Variants in DNAH14 observed in about 807,000 individuals in gnomAD.
The protein encoded by DNAH14 is axonemal beta dynein heavy chain 14.
Under a neutral mutation model 520.9 loss-of-function variants are expected in DNAH14, and 478 were observed. The observed-to-expected ratio is 0.92, with a 90% confidence interval of 0.85 to 0.99. The LOEUF (loss-of-function observed/expected upper bound fraction) is 0.99, where lower values mean the gene tolerates loss of function less well. DNAH14 is among the 50% of genes least tolerant of loss of function. The pLI is 0.00. For synonymous variants in DNAH14, 1,581 were observed against 1,757.2 expected (o/e 0.90, Z 2.51); for missense variants, 4,831 against 5,234.5 (o/e 0.92, Z 2.38).
chr1:225,168,422 G>A (rs189311427), intron 36 of DNAH14, among the ~76,000 whole-genome samples: 8 of 152,166 alleles, frequency 5.3e-5, no homozygotes, highest in Non-Finnish European at 1.2e-4. Flanking sequence ...GGTGACAGAC[G>A]GCACCTGGAA....
chr1:225,381,629 T>A (rs1272955090), intron 81 of DNAH14, 50 bp downstream of exon 81: 34 of 1,380,332 alleles, frequency 2.5e-5, no homozygotes, highest in Non-Finnish European at 2.9e-5. Context: ...GAAATAAATG[T>A]CCAAGTTCAA....
intron 44 of DNAH14, 53 bp from the exon 45 acceptor site, chr1:225,257,907 G>C: frequency 1.5e-6 from 2 of 1,292,508 alleles, no homozygotes; most frequent in Non-Finnish European, 2.1e-6. Flanking sequence ...AAAAAGATGA[G>C]GTGAATAGTA....
chr1:225,283,005 T>A (rs2093659512), intron 54 of DNAH14, among the ~76,000 whole-genome samples: 1 of 152,086 alleles, frequency 6.6e-6, no homozygotes, highest in African/African-American at 2.4e-5. Context: ...CCTTATGATA[T>A]CATTCAATAA....
intron 8 of DNAH14, among the ~76,000 whole-genome samples, chr1:224,978,123 AATAGAGCTACC>A (rs2062000500): frequency 6.6e-6 from 1 of 152,188 alleles, no homozygotes; most frequent in Non-Finnish European, 1.5e-5. Flanking sequence ...AAAAACTAAA[AATAGAGCTACC>A]ATACAAGCCA....
At chr1:225,314,877 CT>C (rs573977013) in intron 60 of DNAH14, among the ~76,000 whole-genome samples, 33 of 152,244 alleles carry the variant, frequency 2.2e-4, no homozygotes, top group African/African-American at 6.7e-4. Context: ...ACATTTTTTC[CT>C]TCATTTCAAC....
chr1:224,964,349 A>G (rs1472925856), intron 4 of DNAH14, 130 bp from the exon 5 acceptor site: 1 of 1,058,074 alleles, frequency 9.5e-7, no homozygotes, highest in East Asian at 3.2e-5. Flanking sequence ...TTCTCCTCTA[A>G]TAATCGTTAT....
Position 225,333,451 on chromosome 1 carries a change from G to GCATTT in DNAH14, c.10027_10031dup (p.Leu3345PhefsTer9). Reference sequence around the variant, plus strand: ...TGGGAGACATTCTGCATTGAAAATGGCATTTCTTTGTCTTCCAAATTCTCT... The same window carrying GCATTT: ...TGGGAGACATTCTGCATTGAAAATGGCATTTCATTTCTTTGTCTTCCAAATTCTCT... On this transcript the variant is annotated frameshift_variant, in exon 66 of 86. Coordinates refer to ENST00000682510, the MANE Select transcript of DNAH14 (RefSeq NM_001367479.1). LOFTEE classifies it high-confidence loss of function. 6.4e-7 allele frequency: 1 copy of GCATTT among 1,551,220 alleles called. No individual in the cohort carries two copies.
chr1:225,373,844 G>C (rs934321319), intron 77 of DNAH14, among the ~76,000 whole-genome samples: 9 of 151,912 alleles, frequency 5.9e-5, no homozygotes, highest in South Asian at 4.2e-4. Flanking sequence ...GTATGTCCCA[G>C]GGCAGGCACG....
chr1:224,964,387 C>T, intron 4 of DNAH14, 92 bp from the exon 5 acceptor site: 2 of 1,303,972 alleles, frequency 1.5e-6, no homozygotes, highest in Non-Finnish European at 2.0e-6. Context: ...TTAAATTTTT[C>T]TCTATATAGA....
chr1:225,335,936 T>G (rs2095023691), intron 66 of DNAH14, among the ~76,000 whole-genome samples: 1 of 121,720 alleles, frequency 8.2e-6, no homozygotes, highest in Admixed American at 8.6e-5. Flanking sequence ...TATACCTATA[T>G]ATACATATAT....
At chr1:225,041,839 T>A (rs1227526294) in intron 12 of DNAH14, among the ~76,000 whole-genome samples, 1 of 152,214 alleles carries the variant, frequency 6.6e-6, no homozygotes, top group Non-Finnish European at 1.5e-5. Context: ...AGCAGCACAT[T>A]ATATATTTAT....
intron 10 of DNAH14, among the ~76,000 whole-genome samples, chr1:225,022,343 A>G (rs952233814): frequency 5.3e-5 from 8 of 152,170 alleles, no homozygotes; most frequent in African/African-American, 1.7e-4. Context: ...AATATTCACA[A>G]TCTGTGCATC....
chr1:225,239,843 T>G (rs1353894046), intron 42 of DNAH14, among the ~76,000 whole-genome samples: 1 of 152,248 alleles, frequency 6.6e-6, no homozygotes, highest in Non-Finnish European at 1.5e-5. Flanking sequence ...AATTCCAGTT[T>G]AGTGACATAT....
chr1:225,027,665 G>A (rs982485090), intron 11 of DNAH14, among the ~76,000 whole-genome samples: 1 of 151,924 alleles, frequency 6.6e-6, no homozygotes, highest in African/African-American at 2.4e-5. Flanking sequence ...AAACAACCAG[G>A]TCTCATGAGA....
intron 17 of DNAH14, among the ~76,000 whole-genome samples, chr1:225,057,649 G>A (rs1311887501): frequency 6.6e-6 from 1 of 152,162 alleles, no homozygotes. Flanking sequence ...CATTCAGTAT[G>A]ATATTGGCTG....
At chr1:225,291,851 T>C (rs2093899491) in intron 55 of DNAH14, among the ~76,000 whole-genome samples, 1 of 152,228 alleles carries the variant, frequency 6.6e-6, no homozygotes, top group Non-Finnish European at 1.5e-5. Context: ...ATTCATTTTT[T>C]TGGCCATTTG....
intron 58 of DNAH14, 147 bp from the exon 59 acceptor site, chr1:225,307,314 T>G: frequency 1.7e-6 from 1 of 598,806 alleles, no homozygotes; most frequent in South Asian, 2.5e-5. Context: ...TTATATTGAT[T>G]GACTTTCAAA....
At position 225,340,665 on chromosome 1, in the gene DNAH14, G is replaced by A. The variant is rs1312689607; in HGVS notation, c.10642G>A (p.Glu3548Lys). 1.5e-4 allele frequency: 230 copies of A among 1,551,122 alleles called. No individual in the cohort carries two copies. Among genetic ancestry groups the A allele is most frequent in the Non-Finnish European group, 1.9e-4 (222 of 1,146,798 alleles). Residue 3548 changes from glutamate (E) to lysine (K), a missense_variant, in exon 69 of 86, where the codon GAG (glutamate) becomes AAG (lysine). Glu to Lys is a moderately conservative substitution (Grantham distance 56). Transcript: ENST00000682510. ...SLDAITLEEL[E>K]EKTLNLLQKA... is the part of the protein sequence containing the mutation. ...TGATGCCATAACTCTTGAAGAACTA[G>A]AGGAAAAAACATTAAATTTACTGCA...
intron 34 of DNAH14, among the ~76,000 whole-genome samples, chr1:225,158,230 CAT>C (rs937554769): frequency 6.6e-6 from 1 of 151,846 alleles, no homozygotes; most frequent in African/African-American, 2.4e-5. Context: ...TATAGAGTAA[CAT>C]ATGTAGTATA....
Sources: allele counts gnomAD v4.1 joint callset (sites outside exome capture counted in the v4.1 genomes callset), GRCh38; gene constraint gnomAD v4.1.1; transcripts MANE v1.5; gene names NCBI Gene and HGNC (gene_info 2026-07-23, HGNC 2026-07-21).